CCDC91: variants seen among roughly 807,000 people sequenced by gnomAD.
The protein encoded by CCDC91 is coiled-coil domain containing 91, also known as coiled-coil domain-containing protein 91.
A neutral mutation model predicts 63.2 loss-of-function variants in CCDC91; 48 were observed. That is an observed-to-expected ratio of 0.76 (90% CI 0.60 to 0.97). The LOEUF is 0.97. Ranked by LOEUF, CCDC91 falls within the 50% of genes least tolerant of loss-of-function variation. CCDC91 has a pLI of 0.00. For synonymous variants in CCDC91, 167 were observed against 165.8 expected, an observed-to-expected ratio of 1.01 and a Z score of -0.06; for missense variants, 500 against 494.6, an observed-to-expected ratio of 1.01 and a Z score of -0.10.
At chr12:28,330,751 C>G (rs548635982) in intron 6 of CCDC91, among the ~76,000 whole-genome samples, 1 of 152,178 alleles carries the variant, frequency 6.6e-6, no homozygotes, top group South Asian at 2.1e-4. Context: ...CATAGAGTGC[C>G]TTGATGGGCA....
At chr12:28,539,487 C>T (rs1261495363) in intron 12 of CCDC91, among the ~76,000 whole-genome samples, 5 of 152,118 alleles carry the variant, frequency 3.3e-5, no homozygotes, top group Non-Finnish European at 7.3e-5. Context: ...GGTACCAGTA[C>T]CATGCTGTTT....
intron 6 of CCDC91, among the ~76,000 whole-genome samples, chr12:28,322,335 G>A (rs559057809): frequency 1.3e-5 from 2 of 151,900 alleles, no homozygotes; most frequent in East Asian, 3.9e-4. Context: ...TACTGCATAG[G>A]AATTTGTGGA....
At chr12:28,298,361 GTT>G (rs113354105) in intron 3 of CCDC91, among the ~76,000 whole-genome samples, 1 of 122,096 alleles carries the variant, frequency 8.2e-6, no homozygotes. Context: ...TGATTGTTGA[GTT>G]TTTTTTTTTT....
chr12:28,521,494 G>T lies in CCDC91; in HGVS notation c.1216-27569G>T, dbSNP rs547003850. ...GGGGCTGAGACGACGTGGTTTTCTAGATATACAATCATGTCATCAGCAAAC... is the reference window on the plus strand; with the variant it reads ...GGGGCTGAGACGACGTGGTTTTCTATATATACAATCATGTCATCAGCAAAC... On this transcript the variant is annotated intron_variant, in intron 12 of 12. Transcript: ENST00000536442. Among the ~76,000 whole-genome samples, 7 of 152,212 alleles carry T rather than the reference G, an allele frequency of 4.6e-5. No individual in the cohort carries two copies. The East Asian group carries it at 1.4e-3, about 29-fold the overall frequency.
At chr12:28,466,588 C>A (rs1380097527) in intron 11 of CCDC91, among the ~76,000 whole-genome samples, 1 of 151,992 alleles carries the variant, frequency 6.6e-6, no homozygotes, top group Admixed American at 6.6e-5. Context: ...AGGAAATAAA[C>A]TTTTACCCTA....
chr12:28,501,194 T>C (rs927833847), intron 12 of CCDC91, among the ~76,000 whole-genome samples: 2 of 151,944 alleles, frequency 1.3e-5, no homozygotes, highest in African/African-American at 4.8e-5. Context: ...TGAATACCCT[T>C]TATTTCCTTC....
chr12:28,333,769 C>T (rs1191036364), intron 6 of CCDC91, among the ~76,000 whole-genome samples: 11 of 152,134 alleles, frequency 7.2e-5, no homozygotes, highest in Non-Finnish European at 1.2e-4. Context: ...CGTTTCCATA[C>T]GTCAGATTAT....
chr12:28,367,427 A>G (rs957544676), intron 7 of CCDC91, among the ~76,000 whole-genome samples: 4 of 152,206 alleles, frequency 2.6e-5, no homozygotes, highest in African/African-American at 9.7e-5. Context: ...AAAAATAGAA[A>G]TTACCCAATT....
At chr12:28,285,465 C>G (rs1948854338) in intron 3 of CCDC91, among the ~76,000 whole-genome samples, 1 of 151,740 alleles carries the variant, frequency 6.6e-6, no homozygotes, top group Non-Finnish European at 1.5e-5. Context: ...GGTCCATTCT[C>G]TCCCTACATG....
chr12:28,310,599 A>G (rs1426088229), intron 6 of CCDC91, among the ~76,000 whole-genome samples: 2 of 152,070 alleles, frequency 1.3e-5, no homozygotes, highest in Admixed American at 1.3e-4. Flanking sequence ...TTATAGAAAA[A>G]TGTACCAGGA....
At chr12:28,527,625 G>GT (rs1193704553) in intron 12 of CCDC91, among the ~76,000 whole-genome samples, 3 of 152,070 alleles carry the variant, frequency 2.0e-5, no homozygotes, top group African/African-American at 7.3e-5. Flanking sequence ...TGGGAGTATG[G>GT]GGGGGGAACA....
At chr12:28,256,916 C>G in intron 1 of CCDC91, 1 of 315,614 alleles carries the variant, frequency 3.2e-6, no homozygotes. Flanking sequence ...TTGAATTGAG[C>G]TCTAGTGCCA....
intron 12 of CCDC91, among the ~76,000 whole-genome samples, chr12:28,527,038 T>C (rs1259179385): frequency 6.6e-6 from 1 of 152,182 alleles, no homozygotes; most frequent in African/African-American, 2.4e-5. Flanking sequence ...TTTCCTTACA[T>C]TGGACTTTGC....
At chr12:28,268,360 G>A (rs1592152894) in intron 3 of CCDC91, among the ~76,000 whole-genome samples, 1 of 152,034 alleles carries the variant, frequency 6.6e-6, no homozygotes, top group South Asian at 2.1e-4. Flanking sequence ...ACTGTGCCCA[G>A]CTGGATTATA....
Position 28,305,822 on chromosome 12 carries a change from T to C in CCDC91, c.267+16T>C. ...AAAAGCACAGGTAAAGACAAACATA[T>C]TTTTAAAGGAGGTTTGCATATTTAA... On this transcript the variant is annotated intron_variant, in intron 4 of 12. Coordinates refer to ENST00000536442, the MANE Select transcript of CCDC91 (RefSeq NM_018318.5). 1 of 1,593,174 alleles carries C rather than the reference T, an allele frequency of 6.3e-7. No individual in the cohort carries two copies. The highest frequency in any genetic ancestry group is 8.5e-7 in the Non-Finnish European group (1 of 1,169,668).
At chr12:28,302,590 C>G in intron 3 of CCDC91, 6 of 966,658 alleles carry the variant, frequency 6.2e-6, no homozygotes, top group Non-Finnish European at 7.4e-6. Context: ...TGTGAGGTCA[C>G]AGAGGTCAGT....
intron 12 of CCDC91, among the ~76,000 whole-genome samples, chr12:28,544,728 T>C (rs1275990392): frequency 6.6e-6 from 1 of 152,094 alleles, no homozygotes; most frequent in Non-Finnish European, 1.5e-5. Flanking sequence ...GATGTGTTTG[T>C]AATTGACTTT....
intron 12 of CCDC91, among the ~76,000 whole-genome samples, chr12:28,523,074 T>C (rs1940890284): frequency 6.6e-6 from 1 of 152,210 alleles, no homozygotes; most frequent in Admixed American, 6.5e-5. Flanking sequence ...GAGAGTTCTG[T>C]AGATATCTAT....
At chr12:28,350,365 T>A (rs1943100469) in intron 6 of CCDC91, among the ~76,000 whole-genome samples, 1 of 152,222 alleles carries the variant, frequency 6.6e-6, no homozygotes, top group African/African-American at 2.4e-5. Context: ...TAATTATTTT[T>A]AGATGATTAA....
Sources: gnomAD v4.1 joint callset for allele counts (sites outside exome capture counted in the v4.1 genomes callset) on GRCh38, gnomAD v4.1.1 for gene constraint, MANE v1.5 for transcripts, NCBI Gene and HGNC (gene_info 2026-07-23, HGNC 2026-07-21) for gene names.